Variants in AFAP1 observed in about 807,000 individuals in gnomAD.
The protein encoded by AFAP1 is actin filament associated protein 1.
In AFAP1, 75 loss-of-function variants were observed where a neutral mutation model predicts 93.9. The ratio of observed to expected loss-of-function variants is 0.80; its 90% CI spans 0.66 to 0.97. The LOEUF (loss-of-function observed/expected upper bound fraction) is 0.97, where lower values mean the gene tolerates loss of function less well. AFAP1 is among the 50% of genes least tolerant of loss of function. The pLI, the probability that AFAP1 is intolerant of heterozygous loss-of-function variation, is 0.00. For missense variants in AFAP1, 1,201 were observed against 1,050.8 expected, an observed-to-expected ratio of 1.14 and a Z score of -1.98; for synonymous variants, 517 against 430.7, an observed-to-expected ratio of 1.20 and a Z score of -2.48.
At chr4:7,776,408 A>C (rs1279249217) in intron 14 of AFAP1, 1 of 151,034 alleles carries the variant, frequency 6.6e-6, no homozygotes, top group Admixed American at 6.6e-5. Flanking sequence ...GTGCGTGTGC[A>C]TGCGTGTTTT....
intron 2 of AFAP1, among the ~76,000 whole-genome samples, chr4:7,870,745 C>A (rs988044788): frequency 1.3e-5 from 2 of 152,126 alleles, no homozygotes; most frequent in African/African-American, 4.8e-5. Flanking sequence ...CCATCGCCCA[C>A]CCAGGTTTCC....
intron 12 of AFAP1, among the ~76,000 whole-genome samples, chr4:7,785,655 G>A (rs766370457): frequency 1.3e-5 from 2 of 152,184 alleles, no homozygotes; most frequent in African/African-American, 2.4e-5. Flanking sequence ...AGCGACATTA[G>A]GCCAGGCACA....
chr4:7,839,419 TAA>T (rs1712722439), intron 5 of AFAP1, among the ~76,000 whole-genome samples: 1 of 151,892 alleles, frequency 6.6e-6, no homozygotes, highest in Non-Finnish European at 1.5e-5. Flanking sequence ...AATGTATATA[TAA>T]AATACATTTA....
intron 17 of AFAP1, among the ~76,000 whole-genome samples, chr4:7,766,415 CAT>C (rs1270661008): frequency 6.6e-6 from 1 of 152,134 alleles, no homozygotes; most frequent in Non-Finnish European, 1.5e-5. Flanking sequence ...CGTGGTGCCA[CAT>C]ATGTTTAGCA....
chr4:7,859,041 C>G lies in AFAP1; in HGVS notation c.226-3467G>C, dbSNP rs567132996. Among the ~76,000 whole-genome samples, 88 of 152,302 alleles carry G rather than the reference C, an allele frequency of 5.8e-4. No homozygotes were observed. The South Asian group carries it at 0.018, about 30-fold the overall frequency. On this transcript the variant is annotated intron_variant, in intron 3 of 17. Transcript: ENST00000420658. Reference sequence around the variant, plus strand: ...ACTCTCCGTCACTATCAGGAGAGACCCAGTCCGTGCACATGCCCCTAACAC... The same window carrying G: ...ACTCTCCGTCACTATCAGGAGAGACGCAGTCCGTGCACATGCCCCTAACAC...
chr4:7,838,370 T>C (rs78850428), intron 6 of AFAP1, among the ~76,000 whole-genome samples, 154 bp downstream of exon 6: 2 of 152,328 alleles, frequency 1.3e-5, no homozygotes, highest in African/African-American at 2.4e-5. Flanking sequence ...TTAACCTCCA[T>C]GTCATCAGAA....
rs534472056 is a variant in AFAP1 at position 7,923,895 on chromosome 4, C to T, written c.-3+15761G>A. Among the ~76,000 whole-genome samples the T allele has an allele frequency of 3.3e-5, 5 of 152,276 alleles. No individual in the cohort carries two copies. The East Asian group carries it at 5.8e-4, about 18-fold the overall frequency. Reference sequence around the variant, plus strand: ...CACACTGGGGGTGAGGGCTCCAGTACGAGAATCTGGGGGAGACATAAACAT... The same window carrying T: ...CACACTGGGGGTGAGGGCTCCAGTATGAGAATCTGGGGGAGACATAAACAT... On this transcript the variant is annotated intron_variant, in intron 1 of 17. Coordinates refer to ENST00000420658, the MANE Select transcript of AFAP1 (RefSeq NM_001134647.2).
intron 1 of AFAP1, among the ~76,000 whole-genome samples, chr4:7,892,351 T>C (rs1265931912): frequency 1.3e-5 from 2 of 152,184 alleles, no homozygotes; most frequent in East Asian, 3.9e-4. Flanking sequence ...GAGTGACAGA[T>C]GGGCTCCTGA....
intron 6 of AFAP1, among the ~76,000 whole-genome samples, chr4:7,827,635 T>TC (rs1721553221): frequency 7.1e-6 from 1 of 140,592 alleles, no homozygotes; most frequent in South Asian, 2.3e-4. Flanking sequence ...GCCAAAAGCT[T>TC]CCCCAAGTGA....
intron 9 of AFAP1, among the ~76,000 whole-genome samples, chr4:7,804,753 G>A (rs1162899017): frequency 6.6e-6 from 1 of 152,176 alleles, no homozygotes; most frequent in Non-Finnish European, 1.5e-5. Context: ...TTGGTTACAT[G>A]TGGCCAAAAC....
chr4:7,849,317 G>A (rs1326898960), intron 4 of AFAP1, among the ~76,000 whole-genome samples: 1 of 151,870 alleles, frequency 6.6e-6, no homozygotes, highest in Non-Finnish European at 1.5e-5. Flanking sequence ...TCTAGTTCTG[G>A]GCACAAGGCT....
At chr4:7,855,980 C>T (rs950081950) in intron 3 of AFAP1, among the ~76,000 whole-genome samples, 12 of 152,166 alleles carry the variant, frequency 7.9e-5, no homozygotes, top group African/African-American at 2.7e-4. Context: ...AGGCCTCAGA[C>T]GCAGACTCTG....
intron 8 of AFAP1, among the ~76,000 whole-genome samples, chr4:7,815,243 G>A (rs1422263448): frequency 2.0e-5 from 3 of 151,274 alleles, no homozygotes; most frequent in Admixed American, 6.6e-5. Context: ...GGTGCCAGGG[G>A]CTGGGGGAGG....
intron 1 of AFAP1, among the ~76,000 whole-genome samples, chr4:7,878,393 G>A (rs753388900): frequency 1.3e-5 from 2 of 152,140 alleles, no homozygotes; most frequent in African/African-American, 2.4e-5. Flanking sequence ...GATGTATTCC[G>A]AGAGTGGCCT....
intron 1 of AFAP1, among the ~76,000 whole-genome samples, chr4:7,919,793 C>T (rs1023242057): frequency 6.6e-6 from 1 of 151,962 alleles, no homozygotes; most frequent in Non-Finnish European, 1.5e-5. Context: ...CACTCTCCCT[C>T]CCCTCGCCCC....
chr4:7,847,605 A>G (rs1238346696), intron 4 of AFAP1, among the ~76,000 whole-genome samples: 2 of 152,232 alleles, frequency 1.3e-5, no homozygotes. Flanking sequence ...TAGGACTTTG[A>G]GAAGTTCACC....
chr4:7,783,365 C>G (rs1371572969), intron 12 of AFAP1, among the ~76,000 whole-genome samples: 4 of 152,170 alleles, frequency 2.6e-5, no homozygotes, highest in African/African-American at 9.7e-5. Context: ...GTCTCGAACT[C>G]CTGGCCTTAA....
chr4:7,843,693 C>G (rs533604202), intron 4 of AFAP1: 6 of 227,272 alleles, frequency 2.6e-5, no homozygotes, highest in Non-Finnish European at 5.3e-5. Context: ...GAGTGTTCCG[C>G]CATACAGAAC....
intron 10 of AFAP1, chr4:7,799,155 C>A (rs1317772882): frequency 1.2e-5 from 11 of 900,946 alleles, no homozygotes; most frequent in Non-Finnish European, 1.2e-5. Flanking sequence ...TGGTCAGGGT[C>A]TGCACAGAGC....
Sources: allele counts gnomAD v4.1 joint callset (sites outside exome capture counted in the v4.1 genomes callset), GRCh38; gene constraint gnomAD v4.1.1; transcripts MANE v1.5; gene names NCBI Gene and HGNC (gene_info 2026-07-23, HGNC 2026-07-21).